The following TANK variants were observed in gnomAD, a reference collection of about 807,000 sequenced individuals.
TANK encodes the protein TRAF family member-associated NF-kappa-B activator.
A neutral mutation model predicts 43.6 loss-of-function variants in TANK; 15 were observed. The ratio of observed to expected loss-of-function variants is 0.34; its 90% confidence interval spans 0.23 to 0.53. The LOEUF is 0.53. Ranked by LOEUF, TANK falls within the 20% of genes least tolerant of loss-of-function variation. The probability of loss-of-function intolerance (pLI) is 0.94; values close to 1 mark genes in which losing one functional copy is unlikely to be tolerated. For synonymous variants in TANK, 162 were observed against 178.2 expected (o/e 0.91, Z 0.73); for missense variants, 417 against 498.6 (o/e 0.84, Z 1.56).
chr2:161,160,483 C>A lies in TANK; in HGVS notation c.-53C>A. 8.0e-7 allele frequency: 1 copy of A among 1,244,770 alleles called. No homozygotes were observed. Among genetic ancestry groups the A allele is most frequent in the Non-Finnish European group, 1.0e-6 (1 of 993,760 alleles). The allele number at this position is 1,244,770 out of a possible 1,614,324, so 77.1% of individuals were successfully genotyped here. On this transcript the variant is annotated 5_prime_UTR_variant, in exon 1 of 8. In the 5' UTR this introduces an upstream ATG that the reference lacks. Coordinates refer to ENST00000392749, the MANE Select transcript of TANK (RefSeq NM_001199135.3). ...GAGGGAACGCAGCTGAAAGCGTGAA[C>A]TGTGTGAGTAAGAAACTTTGTGAAT... is the stretch of plus-strand genomic sequence containing the variant.
At chr2:161,160,972 C>T (rs1684401974) in intron 1 of TANK, 3 of 439,980 alleles carry the variant, frequency 6.8e-6, no homozygotes, top group South Asian at 6.5e-5. Context: ...TCCCCTCTGC[C>T]TTCCTGTGGG....
At chr2:161,234,600 T>G (rs761613750) in intron 7 of TANK, among the ~76,000 whole-genome samples, 6 of 152,238 alleles carry the variant, frequency 3.9e-5, no homozygotes, top group Non-Finnish European at 5.9e-5. Context: ...TGTTAGATTA[T>G]GACTTTCCAT....
intron 6 of TANK, among the ~76,000 whole-genome samples, chr2:161,226,738 A>T (rs1317550446): frequency 2.0e-5 from 3 of 152,136 alleles, no homozygotes; most frequent in Admixed American, 6.5e-5. Flanking sequence ...TTAAGAAATG[A>T]TAAAGATAAA....
At chr2:161,154,747 C>CT (rs775085021) in intron 1 of TANK, among the ~76,000 whole-genome samples, 627 of 143,594 alleles carry the variant, frequency 4.4e-3, no homozygotes, top group Admixed American at 5.8e-3. Context: ...TAAGCATACA[C>CT]TTTTTTTTTT....
rs551417810 is a variant in TANK, at chr2:161,204,091, G to A, written c.208+496G>A. On this transcript the variant is annotated intron_variant, in intron 3 of 7. Coordinates refer to ENST00000392749, the MANE Select transcript of TANK (RefSeq NM_001199135.3). ...TATTAACTTGTAAGAATATGTGGACGATATATAGCAAAATGAACAAAGCAG... is the reference window on the plus strand; with the variant it reads ...TATTAACTTGTAAGAATATGTGGACAATATATAGCAAAATGAACAAAGCAG... Among the ~76,000 whole-genome samples the A allele has an allele frequency of 2.2e-4, 33 of 152,146 alleles. No homozygotes were observed. In the South Asian group the frequency reaches 3.5e-3, roughly 16 times the overall value.
At chr2:161,201,658 T>G (rs1686418702) in intron 2 of TANK, among the ~76,000 whole-genome samples, 1 of 152,222 alleles carries the variant, frequency 6.6e-6, no homozygotes, top group African/African-American at 2.4e-5. Flanking sequence ...GTAACTTGTT[T>G]GCTGATTCTT....
At chr2:161,225,105 A>G (rs753792428) in intron 6 of TANK, among the ~76,000 whole-genome samples, 2 of 152,226 alleles carry the variant, frequency 1.3e-5, no homozygotes, top group African/African-American at 4.8e-5. Flanking sequence ...TTTTATGTTA[A>G]TAAGTGACCT....
At chr2:161,160,173 C>A, upstream of TANK, 1 of 376,974 alleles carries the variant, frequency 2.7e-6, no homozygotes, top group East Asian at 3.8e-5. Flanking sequence ...CAAAGACTCA[C>A]AAGTGACCTT....
rs184600773 is a variant in TANK, at chr2:161,139,916, A to G, written c.-50+2853A>G. On this transcript the variant is annotated intron_variant, in intron 1 of 7. Transcript: ENST00000259075. The stretch of plus-strand genomic sequence containing the variant: ...TGTGGTAAGCAAAATGTGTGTCCAA[A>G]TTGATTAATCTTATATCCAACTTAT... 97 of 980,536 alleles carry G rather than the reference A, an allele frequency of 9.9e-5. 2 individuals carry two copies. The highest frequency in any genetic ancestry group is 3.6e-6 in the Non-Finnish European group (3 of 825,476). 60.7% of individuals were successfully genotyped at this position (980,536 alleles called of 1,614,324 possible). A position where few individuals can be genotyped will look rare whatever the true frequency, so the allele number is the denominator to read the frequency against.
chr2:161,193,395 C>CT (rs1186213337), intron 2 of TANK, among the ~76,000 whole-genome samples: 1 of 152,134 alleles, frequency 6.6e-6, no homozygotes, highest in Non-Finnish European at 1.5e-5. Flanking sequence ...TACAGAGAGA[C>CT]TAAGAAATAC....
Position 161,193,952 on chromosome 2 carries a change from C to T in TANK, c.100-9535C>T, listed in dbSNP as rs115286713. Among the ~76,000 whole-genome samples the T allele has an allele frequency of 2.8e-3, 430 of 152,198 alleles. 2 individuals carry two copies. Among genetic ancestry groups the T allele is most frequent in the African/African-American group, 9.8e-3 (409 of 41,530 alleles). On this transcript the variant is annotated intron_variant, in intron 2 of 7. Coordinates refer to ENST00000392749, the MANE Select transcript of TANK (RefSeq NM_001199135.3). Reference sequence around the variant, plus strand: ...CCTTGCCACATCTTTTGGCTGACTACGCCAAAATTGCCTGGAGAGTTTCAA... The same window carrying T: ...CCTTGCCACATCTTTTGGCTGACTATGCCAAAATTGCCTGGAGAGTTTCAA...
At chr2:161,227,180 A>T (rs1163012800) in intron 6 of TANK, 1 of 152,218 alleles carries the variant, frequency 6.6e-6, no homozygotes, top group African/African-American at 2.4e-5. Flanking sequence ...AATAGATATT[A>T]ACTCTCACTG....
intron 4 of TANK, among the ~76,000 whole-genome samples, chr2:161,215,710 A>G (rs1450221029): frequency 6.6e-6 from 1 of 152,124 alleles, no homozygotes; most frequent in East Asian, 1.9e-4. Context: ...CTCTAACTGG[A>G]TTCTTAGTTC....
At chr2:161,217,468 A>G (rs1687165016) in intron 4 of TANK, among the ~76,000 whole-genome samples, 1 of 152,106 alleles carries the variant, frequency 6.6e-6, no homozygotes. Context: ...TGTGGCCATC[A>G]TCAGGACAAA....
At chr2:161,209,988 T>C (rs1162092677) in intron 4 of TANK, among the ~76,000 whole-genome samples, 5 of 152,226 alleles carry the variant, frequency 3.3e-5, no homozygotes, top group Non-Finnish European at 7.3e-5. Flanking sequence ...TCTAATTTGT[T>C]CTTTAAACAT....
intron 6 of TANK, chr2:161,226,947 T>G (rs1444003408): frequency 5.4e-5 from 1 of 18,360 alleles, no homozygotes; most frequent in African/African-American, 8.2e-5. Flanking sequence ...ATGGATAGCC[T>G]GTATTTAAAA....
intron 1 of TANK, chr2:161,137,985 A>G (rs1312589530): frequency 3.2e-6 from 2 of 617,528 alleles, no homozygotes; most frequent in Non-Finnish European, 4.0e-6. Flanking sequence ...AATAATAATA[A>G]TGATTAACTC....
upstream of TANK, among the ~76,000 whole-genome samples, chr2:161,158,846 C>T (rs1272233151): frequency 6.6e-6 from 1 of 152,180 alleles, no homozygotes; most frequent in Non-Finnish European, 1.5e-5. Flanking sequence ...ACACTTAAAA[C>T]TCAACATTTG....
At chr2:161,233,500 C>CT (rs1160147437) in intron 7 of TANK, among the ~76,000 whole-genome samples, 9 of 152,110 alleles carry the variant, frequency 5.9e-5, no homozygotes, top group African/African-American at 2.2e-4. Flanking sequence ...ATTTTACTTT[C>CT]TATCAATCAT....
Sources: gnomAD v4.1 joint callset for allele counts (sites outside exome capture counted in the v4.1 genomes callset) on GRCh38, gnomAD v4.1.1 for gene constraint, MANE v1.5 for transcripts, NCBI Gene and HGNC (gene_info 2026-07-23, HGNC 2026-07-21) for gene names.